SPECC1: variants seen among roughly 807,000 people sequenced by gnomAD.
The protein encoded by SPECC1 is sperm antigen with calponin homology and coiled-coil domains 1, also known as cytospin-B.
Under a neutral mutation model 104.1 loss-of-function variants are expected in SPECC1, and 62 were observed. The observed-to-expected ratio is 0.60, with a 90% CI of 0.49 to 0.74. The LOEUF (loss-of-function observed/expected upper bound fraction) is 0.74, where lower values mean the gene tolerates loss of function less well. Ranked by LOEUF, SPECC1 falls within the 30% of genes least tolerant of loss-of-function variation. SPECC1 has a pLI of 0.00. For synonymous variants in SPECC1, 513 were observed against 501.6 expected (o/e 1.02, Z -0.30); for missense variants, 1,306 against 1,310.5 (o/e 1.00, Z 0.05).
At chr17:20,034,838 T>C (rs2044996092) in intron 1 of SPECC1, among the ~76,000 whole-genome samples, 1 of 151,754 alleles carries the variant, frequency 6.6e-6, no homozygotes, top group African/African-American at 2.4e-5. Context: ...CTCCTGACCT[T>C]AGGTGATCCA....
intron 3 of SPECC1, among the ~76,000 whole-genome samples, chr17:20,177,621 C>T (rs1273375363): frequency 6.6e-6 from 1 of 152,184 alleles, no homozygotes; most frequent in Non-Finnish European, 1.5e-5. Context: ...TCTCAACTAT[C>T]CTTAACATCT....
chr17:20,079,105 GA>G (rs913015314), intron 1 of SPECC1, among the ~76,000 whole-genome samples: 18 of 152,200 alleles, frequency 1.2e-4, no homozygotes, highest in African/African-American at 4.3e-4. Context: ...TTATGTTTTA[GA>G]AAAGGAAGCA....
intron 3 of SPECC1, among the ~76,000 whole-genome samples, chr17:20,173,602 T>C (rs1050813030): frequency 6.6e-6 from 1 of 152,162 alleles, no homozygotes; most frequent in Non-Finnish European, 1.5e-5. Flanking sequence ...CAACTTGCCT[T>C]ATTGGAGAGT....
intron 1 of SPECC1, among the ~76,000 whole-genome samples, chr17:20,061,892 T>TA (rs1330776093): frequency 1.3e-5 from 2 of 152,228 alleles, no homozygotes; most frequent in African/African-American, 4.8e-5. Flanking sequence ...CTTTGCTACT[T>TA]ACTTTTCTAT....
At position 20,009,649 on chromosome 17, in the gene SPECC1, C is replaced by G. The variant is rs1351948278; in HGVS notation, c.-22+225C>G. On this transcript the variant is annotated intron_variant, in intron 1 of 14. Transcript: ENST00000395527. The surrounding 1 kb of genome is among the most constrained non-coding windows in gnomAD (Gnocchi z 5.2). ...GAGGGACGTCCTGGCCTGTCCTGCCCGGCCCGGAGCGGTGGGACCGGTGCC... is the reference window on the plus strand; with the variant it reads ...GAGGGACGTCCTGGCCTGTCCTGCCGGGCCCGGAGCGGTGGGACCGGTGCC... Among the ~76,000 whole-genome samples, 1 of 152,224 alleles carries G rather than the reference C, an allele frequency of 6.6e-6. No individual in the cohort carries two copies. Among genetic ancestry groups the G allele is most frequent in the East Asian group, 1.9e-4 (1 of 5,140 alleles).
chr17:20,242,384 C>G (rs2039241113), intron 7 of SPECC1, among the ~76,000 whole-genome samples: 1 of 152,228 alleles, frequency 6.6e-6, no homozygotes, highest in Admixed American at 6.5e-5. Flanking sequence ...GACCGACATT[C>G]AGTGAGGAGG....
At chr17:20,100,565 G>A (rs1025300307) in intron 2 of SPECC1, among the ~76,000 whole-genome samples, 2 of 152,164 alleles carry the variant, frequency 1.3e-5, no homozygotes, top group African/African-American at 4.8e-5. Context: ...GGTTTCACTG[G>A]TCAAAACAGG....
intron 12 of SPECC1, among the ~76,000 whole-genome samples, chr17:20,296,504 G>T (rs1206641332): frequency 6.6e-6 from 1 of 152,156 alleles, no homozygotes; most frequent in African/African-American, 2.4e-5. Context: ...GGCAATGCAG[G>T]CTCATTTTTG....
chr17:20,170,127 A>G (rs1597872601), intron 3 of SPECC1, among the ~76,000 whole-genome samples: 1 of 152,242 alleles, frequency 6.6e-6, no homozygotes, highest in Middle Eastern at 3.4e-3. Context: ...TTTGTCCGCT[A>G]CCTTCTTGCT....
intron 1 of SPECC1, among the ~76,000 whole-genome samples, chr17:20,016,062 T>TA (rs2044114068): frequency 6.7e-6 from 1 of 149,076 alleles, no homozygotes; most frequent in South Asian, 2.1e-4. Context: ...AAAAATAAAA[T>TA]AAAAAATTAG....
At chr17:20,080,313 C>T (rs2046917741) in intron 1 of SPECC1, among the ~76,000 whole-genome samples, 1 of 152,086 alleles carries the variant, frequency 6.6e-6, no homozygotes, top group African/African-American at 2.4e-5. Flanking sequence ...TGTCAGTGAA[C>T]TCAGGGAGGA....
chr17:20,111,807 A>AGG, intron 3 of SPECC1: 1 of 793,938 alleles, frequency 1.3e-6, no homozygotes, highest in South Asian at 1.5e-5. Context: ...CTCAGGACCC[A>AGG]GGGGGGGGGC....
chr17:20,247,100 A>G, intron 8 of SPECC1, 119 bp from the exon 9 acceptor site: 1 of 680,750 alleles, frequency 1.5e-6, no homozygotes, highest in Non-Finnish European at 2.5e-6. Context: ...TAGAGTAAAT[A>G]TTACACTAAA....
chr17:20,059,484 G>A (rs2046098832), intron 1 of SPECC1, among the ~76,000 whole-genome samples: 1 of 152,122 alleles, frequency 6.6e-6, no homozygotes, highest in Non-Finnish European at 1.5e-5. Flanking sequence ...CTATGAACTG[G>A]GGGTTGGGGA....
At chr17:20,247,617 A>G (rs1023631525) in intron 9 of SPECC1, among the ~76,000 whole-genome samples, 2 of 152,232 alleles carry the variant, frequency 1.3e-5, no homozygotes, top group Non-Finnish European at 2.9e-5. Context: ...GAATGAAGGA[A>G]TATGTTTTCA....
At chr17:20,175,518 C>T (rs1020267752) in intron 3 of SPECC1, among the ~76,000 whole-genome samples, 4 of 152,138 alleles carry the variant, frequency 2.6e-5, no homozygotes, top group African/African-American at 9.7e-5. Context: ...TTTCAGTATT[C>T]TTAGTCGGTC....
At chr17:20,104,676 G>C (rs1275311349) in intron 2 of SPECC1, among the ~76,000 whole-genome samples, 1 of 147,752 alleles carries the variant, frequency 6.8e-6, no homozygotes, top group African/African-American at 2.5e-5. Flanking sequence ...CTGGGAGGCG[G>C]AGGTTGCAGT....
intron 4 of SPECC1, among the ~76,000 whole-genome samples, chr17:20,226,254 A>G (rs529799186): frequency 3.9e-5 from 6 of 152,372 alleles, no homozygotes; most frequent in African/African-American, 1.4e-4. Context: ...CAATTAAAGT[A>G]ATGACTTAGC....
chr17:20,302,874 C>A (rs2041634400), intron 13 of SPECC1, among the ~76,000 whole-genome samples: 1 of 101,340 alleles, frequency 9.9e-6, no homozygotes, highest in Admixed American at 1.0e-4. Context: ...GTAGTGAGCC[C>A]ATCTAAAAAA....
Sources: allele counts gnomAD v4.1 joint callset (sites outside exome capture counted in the v4.1 genomes callset), GRCh38; gene constraint gnomAD v4.1.1; non-coding constraint Gnocchi (gnomAD v3.1); transcripts MANE v1.5; gene names NCBI Gene and HGNC (gene_info 2026-07-23, HGNC 2026-07-21).